Variants in CALD1 observed in about 807,000 individuals in gnomAD.
CALD1 encodes the protein caldesmon 1, also known as caldesmon.
A neutral mutation model predicts 99.9 loss-of-function variants in CALD1; 33 were observed. That is an observed-to-expected ratio of 0.33 (90% CI 0.25 to 0.44). CALD1 has a LOEUF of 0.44. Ranked by LOEUF, CALD1 falls within the 20% of genes least tolerant of loss-of-function variation. The pLI, the probability that CALD1 is intolerant of heterozygous loss-of-function variation, is 1.00. For missense variants in CALD1, 861 were observed against 962.1 expected (o/e 0.89, Z 1.39); for synonymous variants, 310 against 325.0 (o/e 0.95, Z 0.50).
At chr7:134,873,840 GA>G (rs1801219408) in intron 3 of CALD1, among the ~76,000 whole-genome samples, 1 of 152,120 alleles carries the variant, frequency 6.6e-6, no homozygotes, top group South Asian at 2.1e-4. Flanking sequence ...GGTAAGACAT[GA>G]AAGTATTAAC....
intron 1 of CALD1, among the ~76,000 whole-genome samples, chr7:134,756,044 C>T (rs1161345071): frequency 6.6e-6 from 1 of 151,966 alleles, no homozygotes; most frequent in African/African-American, 2.4e-5. Context: ...ACCTCTACCA[C>T]CATGCCCTGC....
At chr7:134,879,414 C>T (rs1801495180) in intron 3 of CALD1, among the ~76,000 whole-genome samples, 2 of 152,228 alleles carry the variant, frequency 1.3e-5, no homozygotes, top group Admixed American at 1.3e-4. Flanking sequence ...CCTAAACCTG[C>T]ATTAACGCAG....
upstream of CALD1, among the ~76,000 whole-genome samples, chr7:134,742,109 G>A (rs985119043): frequency 2.0e-5 from 3 of 151,930 alleles, no homozygotes; most frequent in African/African-American, 7.3e-5. Flanking sequence ...TCAATGGGTG[G>A]AACTGGAACA....
chr7:134,820,900 C>T (rs1352277750), intron 1 of CALD1, among the ~76,000 whole-genome samples: 2 of 152,046 alleles, frequency 1.3e-5, no homozygotes, highest in African/African-American at 2.4e-5. Flanking sequence ...CAAAGGGATA[C>T]ATTCCTTAGA....
At chr7:134,739,754 C>G (rs1181494018), upstream of CALD1, among the ~76,000 whole-genome samples, 1 of 152,076 alleles carries the variant, frequency 6.6e-6, no homozygotes, top group Non-Finnish European at 1.5e-5. Flanking sequence ...TGTGACTTCA[C>G]GTGAGTGAGA....
At chr7:134,712,027 GAGGGAGGGAAGGAGGGAGA>G in the CALD1 span, among the ~76,000 whole-genome samples, 7 of 98,026 alleles carry the variant, frequency 7.1e-5, no homozygotes, top group East Asian at 2.0e-3. Flanking sequence ...AGGAGGGAGA[GAGGGAGGGAAGGAGGGAGA>G]GAGGGAGGGA....
intron 2 of CALD1, among the ~76,000 whole-genome samples, chr7:134,845,765 G>C (rs574574768): frequency 6.6e-6 from 1 of 151,972 alleles, no homozygotes; most frequent in African/African-American, 2.4e-5. Context: ...GTGGCTTAAA[G>C]ATTCCATCAG....
intron 9 of CALD1, among the ~76,000 whole-genome samples, chr7:134,952,556 C>T (rs991432782): frequency 5.3e-5 from 8 of 151,538 alleles, no homozygotes; most frequent in East Asian, 2.0e-4. Context: ...CTGCAACTTC[C>T]GCCTCCCAGG....
intron 1 of CALD1, among the ~76,000 whole-genome samples, chr7:134,828,445 T>C (rs1048480276): frequency 1.3e-5 from 2 of 152,166 alleles, no homozygotes; most frequent in Non-Finnish European, 2.9e-5. Context: ...CTCAATCAAT[T>C]TTTTAAAAGC....
rs1165753745 is a variant in CALD1, at chr7:134,939,363, TC to T, written c.1387-1726del. ...TTTTTTCACGTACTTGGGACCAGCA[TC>T]CCAGAGCAGTCAAGTGATTTGTCCA... is the stretch of plus-strand genomic sequence containing the variant. On this transcript the variant is annotated intron_variant, in intron 6 of 14. Coordinates refer to ENST00000361675, the MANE Select transcript of CALD1 (RefSeq NM_033138.4). 5.9e-5 allele frequency among the ~76,000 whole-genome samples: 9 copies of T among 152,182 alleles called. 1 individual carries two copies. The highest frequency in any genetic ancestry group is 5.9e-4 in the Admixed American group (9 of 15,288).
intron 3 of CALD1, among the ~76,000 whole-genome samples, chr7:134,919,811 T>C (rs1159238156): frequency 1.3e-5 from 2 of 152,244 alleles, no homozygotes; most frequent in East Asian, 3.8e-4. Context: ...TTTTTTTTCT[T>C]CTAAACCAAG....
At chr7:134,741,442 T>A (rs13223990), upstream of CALD1, among the ~76,000 whole-genome samples, 88,901 of 151,902 alleles carry the variant, frequency 0.59, 26,773 homozygotes, top group East Asian at 0.86. Context: ...CAGTTCAAGA[T>A]GAGATTTGGG....
intron 3 of CALD1, among the ~76,000 whole-genome samples, chr7:134,914,179 A>C (rs560966488): frequency 9.2e-5 from 14 of 152,338 alleles, no homozygotes; most frequent in African/African-American, 3.4e-4. Flanking sequence ...GTGAAAATCC[A>C]ATTTAATACG....
chr7:134,735,891 T>TG, the CALD1 span, among the ~76,000 whole-genome samples: 1 of 152,116 alleles, frequency 6.6e-6, no homozygotes, highest in South Asian at 2.1e-4. Context: ...TATGCAGAAA[T>TG]ACCTTGGGGA....
chr7:134,888,678 C>A (rs1213891620), intron 3 of CALD1, among the ~76,000 whole-genome samples: 3 of 152,194 alleles, frequency 2.0e-5, no homozygotes, highest in African/African-American at 7.2e-5. Flanking sequence ...CCAAGACTCA[C>A]TTCTCTCTTC....
In CALD1 at chr7:134,947,620, G is replaced by C; in HGVS notation, c.1645G>C (p.Glu549Gln). 6.4e-7 allele frequency: 1 copy of C among 1,565,990 alleles called. No homozygotes were observed. Among genetic ancestry groups the C allele is most frequent in the African/African-American group, 1.4e-5 (1 of 73,684 alleles). ...TCGTCGTCGCGGGGAGACCGAGAGC[G>C]AAGAGTTCGAGAAGCTCAAACAGAA... Reference protein sequence around the residue: ...LRRRRGETESEEFEKLKQKQQ... With the variant: ...LRRRRGETESQEFEKLKQKQQ... The change falls in exon 8 of 15, where the codon GAA becomes CAA. Residue 549 changes from glutamate to glutamine, a missense_variant. Glu to Gln is a conservative substitution (Grantham distance 29). Around this residue, in one of 5 missense-constraint regions of CALD1, gnomAD observed 293 missense variants for 262.7 expected, o/e 1.12. Transcript: ENST00000361675.
intron 14 of CALD1, among the ~76,000 whole-genome samples, 168 bp from the exon 15 acceptor site, chr7:134,968,172 A>T (rs561279514): frequency 1.3e-5 from 2 of 152,130 alleles, no homozygotes; most frequent in African/African-American, 4.8e-5. Flanking sequence ...AAAATAAAAG[A>T]TCATATTTGA....
intron 3 of CALD1, among the ~76,000 whole-genome samples, chr7:134,903,868 T>G (rs1803176537): frequency 6.6e-6 from 1 of 152,082 alleles, no homozygotes; most frequent in Admixed American, 6.6e-5. Context: ...ACTGAACACA[T>G]GACAAATACT....
At chr7:134,871,707 C>T (rs1801086992) in intron 3 of CALD1, among the ~76,000 whole-genome samples, 1 of 152,046 alleles carries the variant, frequency 6.6e-6, no homozygotes, top group Admixed American at 6.6e-5. Context: ...ACTTTCCTTA[C>T]CCATAAAAGC....
Sources: allele counts gnomAD v4.1 joint callset (sites outside exome capture counted in the v4.1 genomes callset), GRCh38; gene constraint gnomAD v4.1.1; regional missense constraint gnomAD v4.1.1; transcripts MANE v1.5; gene names NCBI Gene and HGNC (gene_info 2026-07-23, HGNC 2026-07-21).